Variants in PPP1R13B observed in about 807,000 individuals in gnomAD.
PPP1R13B encodes the protein protein phosphatase 1 regulatory subunit 13B.
A neutral mutation model predicts 119.8 loss-of-function variants in PPP1R13B; 44 were observed. The ratio of observed to expected loss-of-function variants is 0.37; its 90% CI spans 0.29 to 0.47. PPP1R13B has a LOEUF of 0.47. PPP1R13B is among the 20% of genes least tolerant of loss of function. The pLI is 0.99. For missense variants in PPP1R13B, 1,227 were observed against 1,413.5 expected (o/e 0.87, Z 2.12); for synonymous variants, 542 against 561.5 (o/e 0.97, Z 0.49).
chr14:103,813,388 C>T (rs2086205085), intron 1 of PPP1R13B, among the ~76,000 whole-genome samples: 1 of 152,170 alleles, frequency 6.6e-6, no homozygotes, highest in African/African-American at 2.4e-5. Flanking sequence ...GGCTGTGCCC[C>T]ACCCAAAAGC....
chr14:103,838,197 T>C (rs2086821195), intron 1 of PPP1R13B, among the ~76,000 whole-genome samples: 1 of 141,220 alleles, frequency 7.1e-6, no homozygotes, highest in Non-Finnish European at 1.5e-5. Flanking sequence ...GGATCAAGTC[T>C]AACTCTGTTA....
In PPP1R13B at chr14:103,756,761, G is replaced by T. The variant is rs537649059; in HGVS notation, c.456+889C>A. 2.7e-5 allele frequency among the ~76,000 whole-genome samples: 4 copies of T among 148,960 alleles called. No homozygotes were observed. In the East Asian group the frequency reaches 7.8e-4, roughly 29 times the overall value. The stretch of plus-strand genomic sequence containing the variant: ...AGCACCCTTTCTTCCCGATTTCTTT[G>T]TTTTTTTTTTCTTTTGAGATGGAGT... On this transcript the variant is annotated intron_variant, in intron 5 of 16. Transcript: ENST00000202556.
intron 1 of PPP1R13B, among the ~76,000 whole-genome samples, chr14:103,827,314 C>A (rs1451922717): frequency 6.6e-6 from 1 of 151,872 alleles, no homozygotes; most frequent in Non-Finnish European, 1.5e-5. Flanking sequence ...CCAACCCAAG[C>A]GACAGAGCGA....
chr14:103,834,499 C>T (rs1333641332), intron 1 of PPP1R13B, among the ~76,000 whole-genome samples: 1 of 151,446 alleles, frequency 6.6e-6, no homozygotes, highest in Non-Finnish European at 1.5e-5. Flanking sequence ...TGACAGGACA[C>T]TGCATGAAGT....
At chr14:103,793,211 G>A (rs958295641) in intron 2 of PPP1R13B, among the ~76,000 whole-genome samples, 1 of 142,734 alleles carries the variant, frequency 7.0e-6, no homozygotes, top group Non-Finnish European at 1.5e-5. Flanking sequence ...GGAAAGGAAA[G>A]AAAAGGAAAG....
At chr14:103,805,950 T>C (rs948568160) in intron 1 of PPP1R13B, among the ~76,000 whole-genome samples, 4 of 152,252 alleles carry the variant, frequency 2.6e-5, no homozygotes, top group African/African-American at 9.6e-5. Context: ...ATTGTGGTGA[T>C]GGCTGTACAA....
chr14:103,830,843 T>C (rs1268188233), intron 1 of PPP1R13B, among the ~76,000 whole-genome samples: 1 of 152,114 alleles, frequency 6.6e-6, no homozygotes, highest in Non-Finnish European at 1.5e-5. Flanking sequence ...TTGTGTCATA[T>C]ACGTAAAATA....
chr14:103,786,507 G>A (rs190610878), intron 2 of PPP1R13B, among the ~76,000 whole-genome samples: 1 of 152,160 alleles, frequency 6.6e-6, no homozygotes, highest in African/African-American at 2.4e-5. Flanking sequence ...ACTCACGCCT[G>A]TAATTCTAGC....
intron 2 of PPP1R13B, among the ~76,000 whole-genome samples, chr14:103,785,486 G>C (rs113989050): frequency 6.6e-6 from 1 of 150,776 alleles, no homozygotes; most frequent in Non-Finnish European, 1.5e-5. Flanking sequence ...CTAAAGTGCT[G>C]GGATTATAGG....
At chr14:103,803,783 T>C (rs1383702927) in intron 1 of PPP1R13B, among the ~76,000 whole-genome samples, 1 of 152,198 alleles carries the variant, frequency 6.6e-6, no homozygotes, top group East Asian at 1.9e-4. Context: ...TACTTATGCC[T>C]TTCCTCAAAC....
At chr14:103,757,788 T>A (rs1465237760) in intron 4 of PPP1R13B, 37 bp from the exon 5 acceptor site, 1 of 1,555,894 alleles carries the variant, frequency 6.4e-7, no homozygotes, top group Non-Finnish European at 8.9e-7. Flanking sequence ...CATAAGTTTA[T>A]CTGCATAATT....
intron 15 of PPP1R13B, chr14:103,736,443 A>G: frequency 1.7e-6 from 1 of 582,092 alleles, no homozygotes; most frequent in Non-Finnish European, 3.1e-6. Flanking sequence ...AGACAGGACA[A>G]ACGAGCTCCT....
chr14:103,845,160 AC>A (rs2086999301), intron 1 of PPP1R13B, among the ~76,000 whole-genome samples: 1 of 152,198 alleles, frequency 6.6e-6, no homozygotes, highest in Non-Finnish European at 1.5e-5. Context: ...ATATGACCCA[AC>A]GTTCCTTTGA....
At chr14:103,848,138 C>CA, upstream of PPP1R13B, 1 of 702,520 alleles carries the variant, frequency 1.4e-6, no homozygotes, top group South Asian at 6.4e-5. Flanking sequence ...CCTTGGCTGG[C>CA]ACCTGCTTCT....
chr14:103,761,880 T>G (rs548770313), intron 4 of PPP1R13B, among the ~76,000 whole-genome samples: 1 of 152,356 alleles, frequency 6.6e-6, no homozygotes, highest in East Asian at 1.9e-4. Flanking sequence ...ACCCAATTGT[T>G]CCTAGTCAGA....
At chr14:103,764,822 T>G (rs1019317894) in intron 4 of PPP1R13B, among the ~76,000 whole-genome samples, 4 of 152,212 alleles carry the variant, frequency 2.6e-5, no homozygotes, top group Non-Finnish European at 4.4e-5. Context: ...ACAGCTGTTT[T>G]TTTTTGTTGT....
At chr14:103,792,649 T>A (rs1448563447) in intron 2 of PPP1R13B, among the ~76,000 whole-genome samples, 3 of 152,160 alleles carry the variant, frequency 2.0e-5, no homozygotes, top group Non-Finnish European at 4.4e-5. Context: ...GCAGTTTGCC[T>A]GTGCTCCCAG....
chr14:103,800,904 G>A (rs1409452751), intron 1 of PPP1R13B, among the ~76,000 whole-genome samples: 2 of 151,900 alleles, frequency 1.3e-5, no homozygotes, highest in Non-Finnish European at 2.9e-5. Context: ...AGGTTGGAAT[G>A]CAATGGCATG....
chr14:103,748,557 G>A (rs1373957637), intron 8 of PPP1R13B, among the ~76,000 whole-genome samples: 4 of 152,236 alleles, frequency 2.6e-5, no homozygotes, highest in Non-Finnish European at 5.9e-5. Flanking sequence ...TGGTGGGTCA[G>A]GAGAGTGGGT....
Sources: allele counts gnomAD v4.1 joint callset (sites outside exome capture counted in the v4.1 genomes callset), GRCh38; gene constraint gnomAD v4.1.1; transcripts MANE v1.5; gene names NCBI Gene and HGNC (gene_info 2026-07-23, HGNC 2026-07-21).